CEP290: variants seen among roughly 807,000 people sequenced by gnomAD.
CEP290 encodes centrosomal protein 290.
Under a neutral mutation model 344.9 loss-of-function variants are expected in CEP290, and 317 were observed. The observed-to-expected ratio is 0.92, with a 90% CI of 0.84 to 1.01. The LOEUF (loss-of-function observed/expected upper bound fraction) is 1.01, where lower values mean the gene tolerates loss of function less well. Ranked by LOEUF, CEP290 falls within the 50% of genes least tolerant of loss-of-function variation. The pLI is 0.00. For missense variants in CEP290, 2,754 were observed against 2,761.4 expected (o/e 1.00, Z 0.06); for synonymous variants, 932 against 895.8 (o/e 1.04, Z -0.72).
intron 27 of CEP290, among the ~76,000 whole-genome samples, chr12:88,094,676 G>T (rs1158001108): frequency 2.0e-5 from 3 of 151,900 alleles, no homozygotes; most frequent in South Asian, 2.1e-4. Flanking sequence ...TTTTTGAGGG[G>T]GGGGGAAGAA....
intron 1 of CEP290, 54 bp downstream of exon 1, chr12:88,141,846 A>G (rs1419380678): frequency 6.6e-6 from 1 of 152,478 alleles, no homozygotes; most frequent in East Asian, 1.9e-4. Context: ...CCCTCAGGCT[A>G]AAGAACCTGA....
chr12:88,109,121 T>C lies in CEP290; in HGVS notation c.2428A>G (p.Arg810Gly). 1 of 1,473,072 alleles carries C rather than the reference T, an allele frequency of 6.8e-7. No homozygotes were observed. The highest frequency in any genetic ancestry group is 1.4e-5 in the South Asian group (1 of 71,188). The allele number at this position is 1,473,072 out of a possible 1,614,324, so 91.3% of individuals were successfully genotyped here. A position where few individuals can be genotyped will look rare whatever the true frequency, so the allele number is the denominator to read the frequency against. ...TGATGACGAATTACAGCAAATTTTC[T>C]GTTGTAATCTTCAAGAGAATCTTCT... ...NLEDSLEDYN[R>G]KFAVIRHQQS... The change falls in exon 23 of 54, where the codon AGA becomes GGA. Residue 810 changes from arginine to glycine, a missense_variant. Transcript: ENST00000552810.
chr12:88,098,139 T>C (rs1230970585), intron 26 of CEP290, among the ~76,000 whole-genome samples: 1 of 150,924 alleles, frequency 6.6e-6, no homozygotes, highest in Non-Finnish European at 1.5e-5. Context: ...CTAAACATAG[T>C]GCTAAAAATA....
intron 26 of CEP290, among the ~76,000 whole-genome samples, chr12:88,098,873 C>T (rs74971832): frequency 0.018 from 2,786 of 152,040 alleles, 86 homozygotes; most frequent in African/African-American, 0.064. Context: ...GACTGGAGCA[C>T]CCAAGCAGAG....
chr12:88,125,491 T>C (rs1363033945), intron 12 of CEP290, 122 bp from the exon 13 acceptor site: 4 of 397,630 alleles, frequency 1.0e-5, no homozygotes, highest in East Asian at 4.2e-5. Context: ...TGGGTACAAG[T>C]ATGCCTTTTA....
intron 32 of CEP290, 35 bp downstream of exon 32, chr12:88,087,745 T>G (rs2036703413): frequency 5.2e-6 from 3 of 582,446 alleles, no homozygotes; most frequent in Non-Finnish European, 7.6e-6. Flanking sequence ...AAAAAAAAAC[T>G]TAGGGAAAAA....
chr12:88,089,567 T>C lies in CEP290; in HGVS notation c.3574-80A>G, dbSNP rs959319016. 5.6e-5 allele frequency: 61 copies of C among 1,093,676 alleles called. No homozygotes were observed. In the East Asian group the frequency reaches 1.5e-3, roughly 27 times the overall value. 67.7% of individuals were successfully genotyped at this position (1,093,676 alleles called of 1,614,324 possible). ...GTTATCACAGATTTAAAATTCACAATTTACTAAGCAAAGTTTTAACACAGT... is the reference window on the plus strand; with the variant it reads ...GTTATCACAGATTTAAAATTCACAACTTACTAAGCAAAGTTTTAACACAGT... On this transcript the variant is annotated intron_variant, in intron 30 of 53. Transcript: ENST00000552810.
At chr12:88,127,370 C>A (rs2039798854) in intron 11 of CEP290, among the ~76,000 whole-genome samples, 1 of 152,126 alleles carries the variant, frequency 6.6e-6, no homozygotes, top group South Asian at 2.1e-4. Context: ...TGCCTGTAAT[C>A]CCAGCTACTC....
chr12:88,114,620 GC>G, intron 19 of CEP290, 58 bp from the exon 20 acceptor site: 1 of 1,316,940 alleles, frequency 7.6e-7, no homozygotes, highest in Middle Eastern at 2.5e-4. Context: ...TTTACACTAT[GC>G]TATACAGATG....
intron 6 of CEP290, 45 bp downstream of exon 6, chr12:88,136,598 G>T: frequency 1.3e-6 from 2 of 1,586,740 alleles, no homozygotes; most frequent in Non-Finnish European, 1.7e-6. Flanking sequence ...TAAAAAGCCA[G>T]GTAACTTGAA....
Position 88,120,171 on chromosome 12 carries a change from G to GT in CEP290, c.1464dup (p.Leu489ThrfsTer2). 6.5e-7 allele frequency: 1 copy of GT among 1,535,054 alleles called. No individual in the cohort carries two copies. The highest frequency in any genetic ancestry group is 2.4e-5 in the East Asian group (1 of 40,946). On this transcript the variant is annotated frameshift_variant, in exon 15 of 54. Coordinates refer to ENST00000552810, the MANE Select transcript of CEP290 (RefSeq NM_025114.4). LOFTEE classifies it high-confidence loss of function. Reference sequence around the variant, plus strand: ...AGGAAATCACTGATCTTCAATTCAAGTTTATTGATTTCCTTTGTTAATATT... The same window carrying GT: ...AGGAAATCACTGATCTTCAATTCAAGTTTTATTGATTTCCTTTGTTAATATT...
intron 44 of CEP290, among the ~76,000 whole-genome samples, chr12:88,067,091 G>A (rs1227589445): frequency 6.6e-6 from 1 of 152,088 alleles, no homozygotes. Context: ...ATTCGCTGTA[G>A]TGAGATCTTA....
chr12:88,084,882 A>G (rs2036463420), intron 34 of CEP290, 30 bp from the exon 35 acceptor site: 1 of 1,429,794 alleles, frequency 7.0e-7, no homozygotes, highest in Non-Finnish European at 9.3e-7. Context: ...ATAAATCATT[A>G]AAGTATCTTT....
At position 88,087,865 on chromosome 12, in the gene CEP290, T is replaced by G; in HGVS notation, c.4109A>C (p.Glu1370Ala). The G allele has an allele frequency of 8.0e-7, 1 of 1,253,960 alleles. No homozygotes were observed. The highest frequency in any genetic ancestry group is 1.0e-6 in the Non-Finnish European group (1 of 976,792). The allele number at this position is 1,253,960 out of a possible 1,614,324, so 77.7% of individuals were successfully genotyped here. A position where few individuals can be genotyped will look rare whatever the true frequency, so the allele number is the denominator to read the frequency against. Reference protein sequence around the residue: ...KLNRELVKDKEEIKYLNNIIS... With the variant: ...KLNRELVKDKAEIKYLNNIIS... ...TATGTTATTCAAATATTTTATTTCT[T>G]CTTTATCCTTGACTAATTCCCGATT... The change falls in exon 32 of 54, where the codon GAA (glutamate) becomes GCA (alanine). Residue 1370 changes from glutamate to alanine, a missense_variant. Coordinates refer to ENST00000552810, the MANE Select transcript of CEP290 (RefSeq NM_025114.4).
intron 52 of CEP290, among the ~76,000 whole-genome samples, chr12:88,050,973 A>G (rs1279341854): frequency 6.6e-6 from 1 of 152,174 alleles, no homozygotes; most frequent in Non-Finnish European, 1.5e-5. Context: ...AATATAGCAC[A>G]AAAGTTCTAA....
chr12:88,132,822 G>C (rs1158814657), intron 6 of CEP290, among the ~76,000 whole-genome samples: 2 of 152,104 alleles, frequency 1.3e-5, no homozygotes, highest in African/African-American at 4.8e-5. Flanking sequence ...TTGCTGCACA[G>C]ATCAACCCAT....
At position 88,118,717 on chromosome 12, in the gene CEP290, A is replaced by G. The variant is rs752942122; in HGVS notation, c.1549T>C (p.Leu517=). The change falls in exon 16 of 54, where the codon TTA becomes CTA. Residue 517 remains leucine, a synonymous_variant. Coordinates refer to ENST00000552810, the MANE Select transcript of CEP290 (RefSeq NM_025114.4). Reference sequence around the variant, plus strand: ...TGTTTGCTATTTCTAAATTCAGTTAAATCAATCATTGTCTTTGGTTCAAGG... The same window carrying G: ...TGTTTGCTATTTCTAAATTCAGTTAGATCAATCATTGTCTTTGGTTCAAGG... ...VGLEPKTMID[L]TEFRNSKHLK... is the part of the protein sequence containing the mutation. 1.6e-5 allele frequency: 26 copies of G among 1,612,556 alleles called. No homozygotes were observed. The Middle Eastern group carries it at 4.9e-4, about 31-fold the overall frequency.
At chr12:88,124,586 G>GTA (rs898527990) in intron 13 of CEP290, among the ~76,000 whole-genome samples, 7 of 150,722 alleles carry the variant, frequency 4.6e-5, no homozygotes, top group South Asian at 2.1e-4. Context: ...GTGTATATAT[G>GTA]TATATATATA....
At chr12:88,132,265 T>C (rs1424215661) in intron 6 of CEP290, among the ~76,000 whole-genome samples, 1 of 152,198 alleles carries the variant, frequency 6.6e-6, no homozygotes, top group Non-Finnish European at 1.5e-5. Flanking sequence ...TTCATTTTTC[T>C]GGTTCTCCTC....
Sources: gnomAD v4.1 joint callset for allele counts (sites outside exome capture counted in the v4.1 genomes callset) on GRCh38, gnomAD v4.1.1 for gene constraint, MANE v1.5 for transcripts, NCBI Gene and HGNC (gene_info 2026-07-23, HGNC 2026-07-21) for gene names.